The following ZFHX3 variants were observed in gnomAD, a reference collection of about 807,000 sequenced individuals.
The protein encoded by ZFHX3 is zinc finger homeobox protein 3.
A neutral mutation model predicts 279.1 loss-of-function variants in ZFHX3; 42 were observed. The observed-to-expected ratio is 0.15, with a 90% CI of 0.12 to 0.19. The LOEUF (loss-of-function observed/expected upper bound fraction) is 0.19, where lower values mean the gene tolerates loss of function less well. Ranked by LOEUF, ZFHX3 falls within the 10% of genes least tolerant of loss-of-function variation. The pLI is 1.00. For synonymous variants in ZFHX3, 2,293 were observed against 1,957.8 expected (o/e 1.17, Z -4.52); for missense variants, 4,981 against 4,754.0 (o/e 1.05, Z -1.40).
chr16:72,941,029 G>C (rs955883748), intron 3 of ZFHX3, among the ~76,000 whole-genome samples: 1 of 152,218 alleles, frequency 6.6e-6, no homozygotes, highest in African/African-American at 2.4e-5. Context: ...CTACATATAA[G>C]TAACCAGTGC....
At chr16:73,412,344 A>G (rs1360537743) in intron 3 of ZFHX3, among the ~76,000 whole-genome samples, 2 of 130,480 alleles carry the variant, frequency 1.5e-5, no homozygotes, top group African/African-American at 2.6e-5. Context: ...AAAAAAAAAA[A>G]AAAAAGTAAA....
upstream of ZFHX3, among the ~76,000 whole-genome samples, chr16:73,063,952 G>A (rs936483658): frequency 2.6e-5 from 4 of 152,270 alleles, no homozygotes; most frequent in East Asian, 7.7e-4. Context: ...GGCCCGCCAG[G>A]TTGAGGGTCC....
At chr16:73,778,760 C>T (rs573646753) in intron 1 of ZFHX3, among the ~76,000 whole-genome samples, 104 of 152,262 alleles carry the variant, frequency 6.8e-4, no homozygotes, top group Admixed American at 1.7e-3. Flanking sequence ...AATGGTAAGA[C>T]GGCAATGCAG....
intron 3 of ZFHX3, among the ~76,000 whole-genome samples, chr16:72,932,628 G>A (rs1959879731): frequency 7.8e-6 from 1 of 127,454 alleles, no homozygotes; most frequent in Non-Finnish European, 1.6e-5. Flanking sequence ...TCTCTTCAGG[G>A]AAATTCCATC....
intron 2 of ZFHX3, among the ~76,000 whole-genome samples, chr16:73,582,471 T>C (rs969031008): frequency 6.6e-6 from 1 of 151,818 alleles, no homozygotes. Context: ...AATCTAATGA[T>C]AACTATTTAT....
rs141054830 is a variant in ZFHX3 at position 73,484,947 on chromosome 16, A to G, written c.-1546-28689T>C. Among the ~76,000 whole-genome samples, 520 of 152,076 alleles carry G rather than the reference A, an allele frequency of 3.4e-3. 2 individuals carry two copies. Among genetic ancestry groups the G allele is most frequent in the Middle Eastern group, 0.01 (3 of 294 alleles). The stretch of plus-strand genomic sequence containing the variant: ...GATACTACCACATACTCGCCTTTAG[A>G]ACCAGACAGAATTTCCCATAAGGAA... On this transcript the variant is annotated intron_variant, in intron 2 of 17. Transcript: ENST00000641206.
At chr16:73,575,341 G>A (rs1240696350) in intron 2 of ZFHX3, among the ~76,000 whole-genome samples, 2 of 152,200 alleles carry the variant, frequency 1.3e-5, no homozygotes, top group Admixed American at 6.5e-5. Context: ...TTGCTGGCTA[G>A]GACCTTTCAC....
At chr16:73,489,252 A>G (rs2019020732) in intron 2 of ZFHX3, among the ~76,000 whole-genome samples, 1 of 152,200 alleles carries the variant, frequency 6.6e-6, no homozygotes, top group Non-Finnish European at 1.5e-5. Flanking sequence ...TGTATTCCTG[A>G]TGAAAATCTT....
chr16:73,838,422 C>CA (rs1376100822), intron 1 of ZFHX3, among the ~76,000 whole-genome samples: 1 of 152,116 alleles, frequency 6.6e-6, no homozygotes, highest in East Asian at 1.9e-4. Context: ...CTTGCCAGCT[C>CA]AAAAAATGCA....
At chr16:73,770,714 A>C (rs903734458) in intron 1 of ZFHX3, among the ~76,000 whole-genome samples, 1 of 152,188 alleles carries the variant, frequency 6.6e-6, no homozygotes, top group Non-Finnish European at 1.5e-5. Context: ...TTCTTACGAC[A>C]TCTCCAATGA....
chr16:73,321,369 T>A (rs1240030798), intron 3 of ZFHX3, among the ~76,000 whole-genome samples: 1 of 152,106 alleles, frequency 6.6e-6, no homozygotes, highest in Non-Finnish European at 1.5e-5. Context: ...ACCTGAAAAA[T>A]GGGGTCACAG....
At chr16:73,087,718 T>C (rs1479316010) in intron 8 of ZFHX3, among the ~76,000 whole-genome samples, 1 of 152,142 alleles carries the variant, frequency 6.6e-6, no homozygotes, top group East Asian at 1.9e-4. Context: ...AAGGATAGTG[T>C]CCCCAAAGTC....
intron 6 of ZFHX3, among the ~76,000 whole-genome samples, chr16:73,132,779 C>T (rs767207721): frequency 1.3e-5 from 2 of 152,082 alleles, no homozygotes; most frequent in Non-Finnish European, 2.9e-5. Context: ...ACAGTCACAG[C>T]CTCAGTTCAG....
chr16:73,283,763 G>A (rs550838850), intron 4 of ZFHX3, among the ~76,000 whole-genome samples: 1 of 152,296 alleles, frequency 6.6e-6, no homozygotes, highest in East Asian at 1.9e-4. Context: ...GGGCAACATA[G>A]TGAGACATTA....
intron 4 of ZFHX3, among the ~76,000 whole-genome samples, chr16:72,888,793 A>C (rs914619341): frequency 1.3e-5 from 2 of 152,220 alleles, no homozygotes; most frequent in African/African-American, 4.8e-5. Flanking sequence ...GCTTGGTGAC[A>C]GAGGAAATGG....
At chr16:73,454,085 G>A (rs1459289290) in intron 3 of ZFHX3, among the ~76,000 whole-genome samples, 1 of 152,012 alleles carries the variant, frequency 6.6e-6, no homozygotes, top group African/African-American at 2.4e-5. Flanking sequence ...GCCGAGGTAG[G>A]GCATTCCCAC....
chr16:73,206,277 C>T (rs1567418233), intron 5 of ZFHX3, among the ~76,000 whole-genome samples: 1 of 152,154 alleles, frequency 6.6e-6, no homozygotes, highest in African/African-American at 2.4e-5. Flanking sequence ...TTTAATATTT[C>T]TTTGATGAGT....
At chr16:72,811,276 G>A (rs1350075224) in intron 7 of ZFHX3, among the ~76,000 whole-genome samples, 2 of 152,188 alleles carry the variant, frequency 1.3e-5, no homozygotes, top group African/African-American at 4.8e-5. Context: ...CTCAGTAAAG[G>A]TTTGAAGAAT....
intron 3 of ZFHX3, among the ~76,000 whole-genome samples, chr16:72,915,311 T>C (rs2039415893): frequency 6.6e-6 from 1 of 152,156 alleles, no homozygotes; most frequent in Non-Finnish European, 1.5e-5. Flanking sequence ...ATTGATCCCA[T>C]CAGTGACTGG....
Sources: allele counts gnomAD v4.1 joint callset (sites outside exome capture counted in the v4.1 genomes callset), GRCh38; gene constraint gnomAD v4.1.1; transcripts MANE v1.5; gene names NCBI Gene and HGNC (gene_info 2026-07-23, HGNC 2026-07-21).